VCF2: variants seen among roughly 807,000 people sequenced by gnomAD.
VCF2 encodes VCP nuclear cofactor family member 2.
chrX:55,146,070 G>A, the VCF2 span: 1 of 1,206,137 alleles, frequency 8.3e-7, no homozygotes, highest in Admixed American at 2.2e-5. Flanking sequence ...TTGGAATAAG[G>A]AAGTCCTAAT....
the VCF2 span, chrX:55,143,897 T>C: frequency 9.3e-7 from 1 of 1,072,466 alleles, no homozygotes; most frequent in Admixed American, 2.2e-5. Context: ...AGGACAGAGA[T>C]TGCATATTGT....
chrX:55,158,340 G>A, the VCF2 span, among the ~76,000 whole-genome samples: 9 of 111,815 alleles, frequency 8.0e-5, no homozygotes, highest in African/African-American at 2.6e-4. Context: ...TTAAAGTGAA[G>A]CACCTTGAAG....
the VCF2 span, chrX:55,145,696 T>C: frequency 1.3e-6 from 1 of 763,075 alleles, no homozygotes; most frequent in Non-Finnish European, 1.5e-6. Flanking sequence ...ACTAGGCTAC[T>C]GTATTTTTAA....
At chrX:55,151,293 C>T in the VCF2 span, among the ~76,000 whole-genome samples, 1 of 111,878 alleles carries the variant, frequency 8.9e-6, no homozygotes, top group African/African-American at 3.3e-5. Context: ...CAATAAAATC[C>T]CCTTGAGAAA....
At chrX:55,161,159 T>C in the VCF2 span, 1 of 1,206,600 alleles carries the variant, frequency 8.3e-7, no homozygotes, top group East Asian at 3.0e-5. Context: ...CCTCCCATAG[T>C]CCTGCCCTCG....
At chrX:55,146,333 G>A in the VCF2 span, 2 of 1,174,732 alleles carry the variant, frequency 1.7e-6, no homozygotes, top group East Asian at 3.0e-5. Context: ...AAGACAGAAA[G>A]GGGATTGCTA....
chrX:55,145,484 T>C, the VCF2 span: 3 of 752,325 alleles, frequency 4.0e-6, no homozygotes, highest in Non-Finnish European at 4.7e-6. Flanking sequence ...GAGATTTTCA[T>C]GTTCATAGTC....
At chrX:55,156,100 C>A in the VCF2 span, among the ~76,000 whole-genome samples, 1 of 109,579 alleles carries the variant, frequency 9.1e-6, no homozygotes, top group Non-Finnish European at 1.9e-5. Context: ...TACAGGTGCG[C>A]GCCACCAAGC....
At chrX:55,157,531 A>G in the VCF2 span, among the ~76,000 whole-genome samples, 1 of 111,995 alleles carries the variant, frequency 8.9e-6, no homozygotes, top group Non-Finnish European at 1.9e-5. Flanking sequence ...AGACTGTCTC[A>G]AAAAAACAAA....
At chrX:55,156,528 G>T in the VCF2 span, among the ~76,000 whole-genome samples, 1 of 112,191 alleles carries the variant, frequency 8.9e-6, no homozygotes, top group Non-Finnish European at 1.9e-5. Context: ...TCTAATACTA[G>T]AAACATTGTG....
chrX:55,149,098 T>C, the VCF2 span, among the ~76,000 whole-genome samples: 1 of 111,709 alleles, frequency 9.0e-6, no homozygotes, highest in Admixed American at 9.5e-5. Flanking sequence ...CTAATTCAAG[T>C]ATCATTTTCA....
chrX:55,150,839 T>G, the VCF2 span, among the ~76,000 whole-genome samples: 1 of 111,516 alleles, frequency 9.0e-6, no homozygotes, highest in African/African-American at 3.3e-5. Context: ...AGAGCTAATG[T>G]GTTCATAAAC....
chrX:55,160,608 C>T, the VCF2 span: 1 of 434,264 alleles, frequency 2.3e-6, no homozygotes, highest in Non-Finnish European at 4.0e-6. Context: ...ACAGTCTAAC[C>T]AAGTTTTCTA....
the VCF2 span, among the ~76,000 whole-genome samples, chrX:55,158,587 T>G: frequency 8.9e-6 from 1 of 111,765 alleles, no homozygotes; most frequent in African/African-American, 3.2e-5. Context: ...AGGTGATGGG[T>G]AGCCCAATTA....
the VCF2 span, chrX:55,160,997 G>C: frequency 8.6e-7 from 1 of 1,165,633 alleles, no homozygotes; most frequent in Non-Finnish European, 1.1e-6. Flanking sequence ...AGAGCCGAGC[G>C]CCACCAACCC....
the VCF2 span, among the ~76,000 whole-genome samples, chrX:55,147,489 A>T: frequency 8.1e-5 from 9 of 111,005 alleles, no homozygotes; most frequent in Admixed American, 1.9e-4. Context: ...TTAAAAAAAA[A>T]TTTTTCCTAG....
the VCF2 span, among the ~76,000 whole-genome samples, chrX:55,155,988 GGCTAGAGT>G: frequency 1.1e-5 from 1 of 94,265 alleles, no homozygotes; most frequent in Admixed American, 1.3e-4. Flanking sequence ...CTGTCACCCA[GGCTAGAGT>G]GCTAGAGTGC....
chrX:55,144,679 C>A, the VCF2 span, among the ~76,000 whole-genome samples: 14 of 112,072 alleles, frequency 1.2e-4, no homozygotes, highest in African/African-American at 4.2e-4. Flanking sequence ...TTAATAAAAT[C>A]TCATTCTTCT....
At chrX:55,160,810 G>C in the VCF2 span, 12 of 1,150,373 alleles carry the variant, frequency 1.0e-5, no homozygotes, top group Non-Finnish European at 1.4e-5. Flanking sequence ...CTGAGTTTTC[G>C]CGAGGGACCA....
Sources: gnomAD v4.1 joint callset for allele counts (sites outside exome capture counted in the v4.1 genomes callset) on GRCh38, gnomAD v4.1.1 for gene constraint, MANE v1.5 for transcripts, NCBI Gene and HGNC (gene_info 2026-07-23, HGNC 2026-07-21) for gene names.